EPHA5: variants seen among roughly 807,000 people sequenced by gnomAD.
EPHA5 encodes ephrin type-A receptor 5.
Under a neutral mutation model 105.0 loss-of-function variants are expected in EPHA5, and 60 were observed. That is an observed-to-expected ratio of 0.57 (90% CI 0.46 to 0.71). The LOEUF (loss-of-function observed/expected upper bound fraction) is 0.71. EPHA5 is among the 30% of genes least tolerant of loss of function. EPHA5 has a pLI of 0.00. For missense variants in EPHA5, 1,218 were observed against 1,274.7 expected, an observed-to-expected ratio of 0.96 and a Z score of 0.68; for synonymous variants, 513 against 449.1, an observed-to-expected ratio of 1.14 and a Z score of -1.80.
intron 5 of EPHA5, among the ~76,000 whole-genome samples, chr4:65,426,867 T>C (rs1247577496): frequency 6.6e-6 from 1 of 152,138 alleles, no homozygotes; most frequent in Non-Finnish European, 1.5e-5. Context: ...CAGCACAATA[T>C]AGGTAGAACT....
intron 3 of EPHA5, among the ~76,000 whole-genome samples, chr4:65,538,427 TA>T (rs1736501799): frequency 6.6e-6 from 1 of 151,712 alleles, no homozygotes; most frequent in Non-Finnish European, 1.5e-5. Flanking sequence ...TTCCAAGCAA[TA>T]TCCCTGAATG....
intron 8 of EPHA5, among the ~76,000 whole-genome samples, chr4:65,395,817 T>C (rs1340368682): frequency 1.3e-5 from 2 of 152,212 alleles, no homozygotes; most frequent in Non-Finnish European, 1.5e-5. Context: ...AGGAACATCA[T>C]AGCATTAAAC....
intron 7 of EPHA5, among the ~76,000 whole-genome samples, chr4:65,409,363 A>AAATAAATAAATAAATG: frequency 6.7e-6 from 1 of 149,680 alleles, no homozygotes; most frequent in African/African-American, 2.4e-5. Context: ...ATAAATAAAT[A>AAATAAATAAATAAATG]AATAAATAAA....
intron 3 of EPHA5, among the ~76,000 whole-genome samples, chr4:65,521,450 C>G (rs1377111563): frequency 6.6e-6 from 1 of 151,900 alleles, no homozygotes; most frequent in Non-Finnish European, 1.5e-5. Flanking sequence ...GTGTAGCACA[C>G]CAACATGGCA....
At chr4:65,376,795 A>G (rs1325404584) in intron 8 of EPHA5, among the ~76,000 whole-genome samples, 5 of 152,064 alleles carry the variant, frequency 3.3e-5, no homozygotes, top group African/African-American at 1.2e-4. Context: ...GAAGAGACGT[A>G]TGAATGCTTG....
intron 5 of EPHA5, among the ~76,000 whole-genome samples, chr4:65,421,607 T>A (rs1051480054): frequency 6.6e-6 from 1 of 152,126 alleles, no homozygotes; most frequent in Admixed American, 6.6e-5. Flanking sequence ...CTTCACTCAC[T>A]TTACTATAGT....
Position 65,531,017 on chromosome 4 carries a change from TTTTTTTATTTTTTTTATTTTTTTA to T in EPHA5, c.911-35498_911-35475del, listed in dbSNP as rs1442367107. On this transcript the variant is annotated intron_variant, in intron 3 of 16. Coordinates refer to ENST00000613740, the MANE Select transcript of EPHA5 (RefSeq NM_001281766.3). ...ATGGATTTTTTTTTATTTTTTTTAT[TTTTTTTATTTTTTTTATTTTTTTA>T]TTTTTTTGAGACGGAGTCTCGCTCT... Among the ~76,000 whole-genome samples, 121 of 133,324 alleles carry T rather than the reference TTTTTTTATTTTTTTTATTTTTTTA, an allele frequency of 9.1e-4. 2 individuals are homozygous for T. The highest frequency in any genetic ancestry group is 3.1e-3 in the African/African-American group (110 of 35,076). The allele number at this position is 133,324 out of a possible 152,430, so 87.5% of individuals were successfully genotyped here.
intron 5 of EPHA5, among the ~76,000 whole-genome samples, chr4:65,429,683 A>G (rs1724793899): frequency 6.6e-6 from 1 of 152,074 alleles, no homozygotes; most frequent in Non-Finnish European, 1.5e-5. Flanking sequence ...GAATTGTGAT[A>G]TTAAATTATT....
At chr4:65,539,274 AT>A (rs1560668162) in intron 3 of EPHA5, among the ~76,000 whole-genome samples, 2 of 151,716 alleles carry the variant, frequency 1.3e-5, no homozygotes, top group African/African-American at 2.4e-5. Context: ...GCTAGAAGAA[AT>A]TTCTTAAGAT....
chr4:65,550,665 T>A (rs1737808559), intron 3 of EPHA5, among the ~76,000 whole-genome samples: 1 of 151,922 alleles, frequency 6.6e-6, no homozygotes, highest in African/African-American at 2.4e-5. Context: ...TGAAACCCCG[T>A]CTCTACTAAA....
intron 5 of EPHA5, among the ~76,000 whole-genome samples, chr4:65,465,449 A>G (rs60564029): frequency 0.61 from 28,941 of 47,186 alleles, 9,288 homozygotes; most frequent in Non-Finnish European, 0.7. Flanking sequence ...AGAAAGAAAG[A>G]AAGAAAGAAA....
intron 7 of EPHA5, among the ~76,000 whole-genome samples, chr4:65,406,404 T>C (rs964941830): frequency 5.3e-5 from 8 of 152,132 alleles, no homozygotes; most frequent in African/African-American, 1.7e-4. Flanking sequence ...ACGTATACCT[T>C]AAACTTGAAA....
chr4:65,454,857 T>A (rs1727419647), intron 5 of EPHA5, among the ~76,000 whole-genome samples: 1 of 152,244 alleles, frequency 6.6e-6, no homozygotes. Flanking sequence ...GGGAATTAAC[T>A]TATTTTTAAG....
chr4:65,667,338 A>G (rs930197050), intron 1 of EPHA5, among the ~76,000 whole-genome samples: 1 of 152,208 alleles, frequency 6.6e-6, no homozygotes, highest in African/African-American at 2.4e-5. Context: ...CTCAGCTGAG[A>G]TAGGATGAAT....
intron 3 of EPHA5, among the ~76,000 whole-genome samples, chr4:65,516,699 G>A (rs193075171): frequency 3.5e-4 from 53 of 152,066 alleles, no homozygotes; most frequent in East Asian, 2.3e-3. Context: ...TCTATAAGAC[G>A]CAATCTTCAA....
intron 3 of EPHA5, among the ~76,000 whole-genome samples, chr4:65,578,547 G>T (rs1741295316): frequency 6.6e-6 from 1 of 152,134 alleles, no homozygotes; most frequent in South Asian, 2.1e-4. Context: ...GTAGAATGTT[G>T]ACAGTAATCA....
At chr4:65,507,027 T>C (rs1733102588) in intron 3 of EPHA5, among the ~76,000 whole-genome samples, 1 of 152,192 alleles carries the variant, frequency 6.6e-6, no homozygotes. Context: ...TTAATCCATC[T>C]TGAATTAATT....
At chr4:65,587,536 A>C (rs990094632) in intron 3 of EPHA5, among the ~76,000 whole-genome samples, 2 of 152,106 alleles carry the variant, frequency 1.3e-5, no homozygotes, top group African/African-American at 2.4e-5. Flanking sequence ...CCATGTACAC[A>C]ATCTCTCCCT....
chr4:65,487,132 C>T (rs1730957038), intron 5 of EPHA5, among the ~76,000 whole-genome samples: 1 of 152,136 alleles, frequency 6.6e-6, no homozygotes, highest in Non-Finnish European at 1.5e-5. Context: ...GAACCATGAG[C>T]CAATTAAACC....
Sources: allele counts gnomAD v4.1 joint callset (sites outside exome capture counted in the v4.1 genomes callset), GRCh38; gene constraint gnomAD v4.1.1; transcripts MANE v1.5; gene names NCBI Gene and HGNC (gene_info 2026-07-23, HGNC 2026-07-21).